ZNF385D: variants seen among roughly 807,000 people sequenced by gnomAD.
ZNF385D encodes the protein zinc finger protein 659.
Under a neutral mutation model 35.8 loss-of-function variants are expected in ZNF385D, and 15 were observed. That is an observed-to-expected ratio of 0.42 (90% CI 0.28 to 0.64). ZNF385D has a LOEUF of 0.64. Ranked by LOEUF, ZNF385D falls within the 30% of genes least tolerant of loss-of-function variation. The pLI is 0.23. For missense variants in ZNF385D, 474 were observed against 494.6 expected (o/e 0.96, Z 0.39); for synonymous variants, 212 against 186.8 (o/e 1.13, Z -1.10).
intron 3 of ZNF385D, among the ~76,000 whole-genome samples, chr3:22,092,160 A>G (rs749850499): frequency 1.2e-4 from 19 of 152,182 alleles, no homozygotes; most frequent in Non-Finnish European, 2.5e-4. Flanking sequence ...CTCTTGGTTG[A>G]AAGTTCACAA....
At chr3:21,757,120 C>CTTTTTTTTTTTTTTTTTT (rs61226426) in intron 3 of ZNF385D, among the ~76,000 whole-genome samples, 267 of 106,390 alleles carry the variant, frequency 2.5e-3, no homozygotes, top group Non-Finnish European at 2.9e-3. Context: ...ATAAATTTCT[C>CTTTTTTTTTTTTTTTTTT]TTTTTTTTTT....
At chr3:21,535,348 C>T (rs953772140) in intron 3 of ZNF385D, among the ~76,000 whole-genome samples, 1 of 152,108 alleles carries the variant, frequency 6.6e-6, no homozygotes, top group Non-Finnish European at 1.5e-5. Context: ...ACCTTTGATC[C>T]TCCTCTCTTT....
At chr3:21,921,749 G>T (rs541875422) in intron 3 of ZNF385D, among the ~76,000 whole-genome samples, 11 of 150,492 alleles carry the variant, frequency 7.3e-5, no homozygotes, top group Admixed American at 6.0e-4. Context: ...ATAGAAAATA[G>T]ATAAATTTCT....
intron 3 of ZNF385D, among the ~76,000 whole-genome samples, chr3:21,953,784 A>G (rs1702166630): frequency 1.3e-5 from 2 of 152,054 alleles, no homozygotes; most frequent in Admixed American, 6.6e-5. Flanking sequence ...GGCTTGCACA[A>G]AGATACCACT....
chr3:22,335,307 C>T (rs1452435968), intron 2 of ZNF385D, among the ~76,000 whole-genome samples: 3 of 152,090 alleles, frequency 2.0e-5, no homozygotes, highest in African/African-American at 7.2e-5. Flanking sequence ...AATGTCTGAA[C>T]ATAGACAAGT....
At chr3:21,994,014 C>A (rs1318590465) in intron 3 of ZNF385D, among the ~76,000 whole-genome samples, 1 of 152,176 alleles carries the variant, frequency 6.6e-6, no homozygotes, top group African/African-American at 2.4e-5. Context: ...TTGGTTTCTC[C>A]TTTCCAAGAC....
intron 3 of ZNF385D, among the ~76,000 whole-genome samples, chr3:22,131,730 T>C (rs1345592423): frequency 2.0e-5 from 3 of 152,252 alleles, no homozygotes; most frequent in Non-Finnish European, 4.4e-5. Flanking sequence ...CAGAGGGAGT[T>C]TTTGAAAGTT....
intron 1 of ZNF385D, among the ~76,000 whole-genome samples, chr3:21,710,963 T>G (rs2068077101): frequency 6.6e-6 from 1 of 151,262 alleles, no homozygotes; most frequent in Non-Finnish European, 1.5e-5. Context: ...CATTCCTTCC[T>G]CTATCATAGC....
At chr3:22,185,332 C>G (rs1431209280) in intron 2 of ZNF385D, among the ~76,000 whole-genome samples, 2 of 152,118 alleles carry the variant, frequency 1.3e-5, no homozygotes, top group Admixed American at 1.3e-4. Flanking sequence ...CAATGGTGCT[C>G]GTTAGTAAAA....
chr3:22,035,112 G>A (rs1157876997), intron 3 of ZNF385D, among the ~76,000 whole-genome samples: 1 of 152,092 alleles, frequency 6.6e-6, no homozygotes, highest in African/African-American at 2.4e-5. Context: ...CTACATTTGG[G>A]TATCAATGAA....
chr3:22,233,611 A>G (rs1268289705), intron 2 of ZNF385D, among the ~76,000 whole-genome samples: 3 of 152,108 alleles, frequency 2.0e-5, no homozygotes, highest in Non-Finnish European at 4.4e-5. Context: ...CTTCTTATCC[A>G]TATGACCCTC....
At chr3:22,213,985 G>A (rs982041985) in intron 2 of ZNF385D, among the ~76,000 whole-genome samples, 5 of 151,926 alleles carry the variant, frequency 3.3e-5, no homozygotes, top group Non-Finnish European at 7.4e-5. Context: ...TCACACATGG[G>A]GTACATTTGC....
intron 3 of ZNF385D, among the ~76,000 whole-genome samples, chr3:22,129,399 T>G (rs916638894): frequency 3.9e-5 from 6 of 152,134 alleles, no homozygotes; most frequent in African/African-American, 1.2e-4. Context: ...CAGGACTAAG[T>G]CTTTTCCTTC....
chr3:21,421,367 G>A lies in ZNF385D; in HGVS notation c.1035C>T (p.Ala345=). 1.9e-6 allele frequency: 3 copies of A among 1,613,026 alleles called. No homozygotes were observed. The highest frequency in any genetic ancestry group is 1.7e-5 in the Admixed American group (1 of 59,972). The change falls in exon 8 of 8, where the codon GCC becomes GCT. Residue 345 remains alanine, a synonymous_variant. Transcript: ENST00000281523. ...ILPNPLAAAA[A]AAAVAVSSPF... is the part of the protein sequence containing the mutation. ...GGGAACTCACTGCCACTGCTGCTGC[G>A]GCTGCTGCAGCTGCTAGAGGATTTG...
At chr3:22,171,876 CA>C (rs370469654) in intron 2 of ZNF385D, among the ~76,000 whole-genome samples, 1,667 of 100,628 alleles carry the variant, frequency 0.017, 5 homozygotes, top group African/African-American at 0.037. Context: ...GACTCGGTCT[CA>C]AAAAAAAAAA....
At chr3:22,212,508 A>C (rs1697590501) in intron 2 of ZNF385D, among the ~76,000 whole-genome samples, 1 of 152,046 alleles carries the variant, frequency 6.6e-6, no homozygotes, top group Non-Finnish European at 1.5e-5. Flanking sequence ...CGTTTCACTT[A>C]AGAGATTCTC....
chr3:21,455,179 C>G (rs929955255), intron 4 of ZNF385D, among the ~76,000 whole-genome samples: 1 of 152,182 alleles, frequency 6.6e-6, no homozygotes, highest in African/African-American at 2.4e-5. Flanking sequence ...TTTATAGATT[C>G]AATGCCATCC....
rs1700679402 is a variant in ZNF385D at position 21,420,294 on chromosome 3, T to G, written c.*920A>C. On this transcript the variant is annotated 3_prime_UTR_variant, in exon 8 of 8. Transcript: ENST00000281523. ...AGATCTTTACTTTGCATTATCATTC[T>G]AGGTTATGATTCTTCATCCTTGAAA... The G allele has an allele frequency of 6.6e-6, 1 of 152,236 alleles. No individual in the cohort carries two copies. The allele number at this position is 152,236 out of a possible 1,614,324, so 9.4% of individuals were successfully genotyped here.
At chr3:21,505,915 A>T (rs1706740444) in intron 4 of ZNF385D, among the ~76,000 whole-genome samples, 2 of 152,082 alleles carry the variant, frequency 1.3e-5, no homozygotes, top group Non-Finnish European at 2.9e-5. Context: ...TACTTGGCCA[A>T]CCGTTTCAGC....
Sources: gnomAD v4.1 joint callset for allele counts (sites outside exome capture counted in the v4.1 genomes callset) on GRCh38, gnomAD v4.1.1 for gene constraint, MANE v1.5 for transcripts, NCBI Gene and HGNC (gene_info 2026-07-23, HGNC 2026-07-21) for gene names.